Variants in CSMD1 observed in about 807,000 individuals in gnomAD.
The protein encoded by CSMD1 is CUB and Sushi multiple domains 1, also known as CUB and sushi domain-containing protein 1.
A neutral mutation model predicts 417.5 loss-of-function variants in CSMD1; 213 were observed. That is an observed-to-expected ratio of 0.51 (90% confidence interval 0.46 to 0.57). The LOEUF (loss-of-function observed/expected upper bound fraction) is 0.57, where lower values mean the gene tolerates loss of function less well. Among genes scored for constraint, CSMD1 ranks in the 20% least tolerant of loss-of-function variants. The probability of loss-of-function intolerance (pLI) is 0.00; values close to 1 mark genes in which losing one functional copy is unlikely to be tolerated. For synonymous variants in CSMD1, 2,862 were observed against 1,736.8 expected (o/e 1.65, Z -16.11); for missense variants, 6,923 against 4,529.7 (o/e 1.53, Z -15.17).
chr8:3,511,549 A>G (rs1301471661), intron 10 of CSMD1, among the ~76,000 whole-genome samples: 2 of 151,390 alleles, frequency 1.3e-5, no homozygotes, highest in Non-Finnish European at 2.9e-5. Context: ...GAGGTCAGGA[A>G]TTTGAGATCA....
At chr8:4,140,976 A>C (rs1803755257) in intron 3 of CSMD1, among the ~76,000 whole-genome samples, 1 of 150,484 alleles carries the variant, frequency 6.6e-6, no homozygotes, top group Non-Finnish European at 1.5e-5. Context: ...AATGGGAAGA[A>C]AACATAAAAG....
At chr8:3,796,563 A>G (rs1452467990) in intron 5 of CSMD1, among the ~76,000 whole-genome samples, 1 of 146,144 alleles carries the variant, frequency 6.8e-6, no homozygotes, top group Non-Finnish European at 1.5e-5. Context: ...TGATAGATAT[A>G]TATCTATATC....
rs753392906 is a variant in CSMD1 at position 3,575,081 on chromosome 8, A to C, written c.1223-15T>G. 6.2e-7 allele frequency: 1 copy of C among 1,611,740 alleles called. No homozygotes were observed. Among genetic ancestry groups the C allele is most frequent in the Admixed American group, 1.7e-5 (1 of 59,812 alleles). ...ACATGTTCTCGCTGGAAACACATAG[A>C]AACGACGTTATTTTCTACAACATTG... On this transcript the variant is annotated splice_polypyrimidine_tract_variant and intron_variant, in intron 9 of 69. Coordinates refer to ENST00000635120, the MANE Select transcript of CSMD1 (RefSeq NM_033225.6).
At chr8:3,110,927 T>A (rs986463537) in intron 42 of CSMD1, among the ~76,000 whole-genome samples, 1 of 152,246 alleles carries the variant, frequency 6.6e-6, no homozygotes, top group Non-Finnish European at 1.5e-5. Context: ...ACCCAATTTA[T>A]TTTCATTTTT....
intron 3 of CSMD1, among the ~76,000 whole-genome samples, chr8:4,274,101 A>G (rs140669803): frequency 2.0e-5 from 3 of 152,210 alleles, no homozygotes; most frequent in African/African-American, 7.2e-5. Flanking sequence ...TATATGGAAC[A>G]TATTAAATAA....
chr8:4,244,733 A>T (rs1462394678), intron 3 of CSMD1, among the ~76,000 whole-genome samples: 3 of 152,154 alleles, frequency 2.0e-5, no homozygotes, highest in African/African-American at 7.2e-5. Context: ...TCAATGGAAT[A>T]ATTTTTTTAC....
intron 1 of CSMD1, among the ~76,000 whole-genome samples, chr8:4,988,889 C>G (rs1242044035): frequency 6.6e-6 from 1 of 152,020 alleles, no homozygotes; most frequent in Non-Finnish European, 1.5e-5. Context: ...TTTCAGCTGG[C>G]TCAATTATAC....
At chr8:3,395,854 T>A (rs539376518) in intron 17 of CSMD1, among the ~76,000 whole-genome samples, 26 of 152,310 alleles carry the variant, frequency 1.7e-4, no homozygotes, top group Admixed American at 2.0e-4. Context: ...TTTAGTAATA[T>A]ATCCTATAAG....
At chr8:4,468,545 C>G (rs1799955969) in intron 2 of CSMD1, among the ~76,000 whole-genome samples, 1 of 152,166 alleles carries the variant, frequency 6.6e-6, no homozygotes, top group African/African-American at 2.4e-5. Context: ...TTTACACACT[C>G]TTGTCCCCAG....
At chr8:4,656,284 G>C (rs1210736127) in intron 1 of CSMD1, among the ~76,000 whole-genome samples, 4 of 152,010 alleles carry the variant, frequency 2.6e-5, no homozygotes, top group Admixed American at 2.0e-4. Context: ...TGAGCCTAGT[G>C]AAGAAAAGCA....
chr8:3,730,217 T>C (rs1184870837), intron 6 of CSMD1, among the ~76,000 whole-genome samples: 1 of 152,088 alleles, frequency 6.6e-6, no homozygotes, highest in Non-Finnish European at 1.5e-5. Flanking sequence ...GGCTTCCAGT[T>C]TGATTCCCCA....
chr8:4,664,331 G>A (rs571636788), intron 1 of CSMD1, among the ~76,000 whole-genome samples: 2 of 152,252 alleles, frequency 1.3e-5, no homozygotes, highest in South Asian at 2.1e-4. Context: ...AGGCTGAGGC[G>A]GGCGGATCAC....
At chr8:3,042,711 A>G (rs528769750) in intron 50 of CSMD1, among the ~76,000 whole-genome samples, 4 of 152,294 alleles carry the variant, frequency 2.6e-5, no homozygotes, top group South Asian at 2.1e-4. Context: ...TAGGTTTGTT[A>G]TAAGAGCTCA....
At chr8:3,113,058 G>C (rs566046288) in intron 42 of CSMD1, 1 of 152,222 alleles carries the variant, frequency 6.6e-6, no homozygotes, top group African/African-American at 2.4e-5. Flanking sequence ...ACGGGGGCCT[G>C]TGATCTGCCA....
At chr8:3,900,402 G>T (rs77380369) in intron 5 of CSMD1, among the ~76,000 whole-genome samples, 2,657 of 151,908 alleles carry the variant, frequency 0.017, 39 homozygotes, top group Middle Eastern at 0.034. Flanking sequence ...AGTATAGGTG[G>T]GTGACAGGGC....
chr8:4,460,389 C>T (rs141748777), intron 2 of CSMD1, among the ~76,000 whole-genome samples: 5 of 151,932 alleles, frequency 3.3e-5, no homozygotes, highest in African/African-American at 1.2e-4. Context: ...AAGAAAAAAT[C>T]TTACATAAAT....
intron 7 of CSMD1, among the ~76,000 whole-genome samples, chr8:3,690,617 T>C (rs866072146): frequency 2.1e-4 from 32 of 152,200 alleles, no homozygotes; most frequent in African/African-American, 7.5e-4. Flanking sequence ...GATGATATCA[T>C]AGCTTCCACT....
At chr8:4,419,823 A>G (rs1457980725) in intron 3 of CSMD1, 130 bp downstream of exon 3, 2 of 603,384 alleles carry the variant, frequency 3.3e-6, no homozygotes, top group East Asian at 6.0e-5. Flanking sequence ...TGCATTACAC[A>G]GAAGCCAAAT....
intron 23 of CSMD1, among the ~76,000 whole-genome samples, chr8:3,336,134 C>G (rs770461016): frequency 6.6e-6 from 1 of 150,748 alleles, no homozygotes; most frequent in African/African-American, 2.4e-5. Flanking sequence ...TTCTCCAAAC[C>G]TCTGTTCCCT....
Sources: gnomAD v4.1 joint callset for allele counts (sites outside exome capture counted in the v4.1 genomes callset) on GRCh38, gnomAD v4.1.1 for gene constraint, MANE v1.5 for transcripts, NCBI Gene and HGNC (gene_info 2026-07-23, HGNC 2026-07-21) for gene names.